Variants in LSAMP observed in about 807,000 individuals in gnomAD.
The protein encoded by LSAMP is limbic system-associated membrane protein.
Under a neutral mutation model 38.6 loss-of-function variants are expected in LSAMP, and 7 were observed. That is an observed-to-expected ratio of 0.18 (90% confidence interval 0.10 to 0.34). The LOEUF (loss-of-function observed/expected upper bound fraction) is 0.34. Among genes scored for constraint, LSAMP ranks in the 10% least tolerant of loss-of-function variants. The pLI, the probability that LSAMP is intolerant of heterozygous loss-of-function variation, is 1.00. For missense variants in LSAMP, 313 were observed against 420.0 expected (o/e 0.75, Z 2.23); for synonymous variants, 154 against 166.8 (o/e 0.92, Z 0.59).
chr3:115,909,589 T>C (rs1282703964), intron 3 of LSAMP, among the ~76,000 whole-genome samples: 1 of 152,240 alleles, frequency 6.6e-6, no homozygotes, highest in Non-Finnish European at 1.5e-5. Flanking sequence ...GTTTAATCTG[T>C]GGGTTTCTAT....
chr3:115,848,232 T>C (rs1935223411), intron 4 of LSAMP, among the ~76,000 whole-genome samples: 1 of 152,170 alleles, frequency 6.6e-6, no homozygotes, highest in Non-Finnish European at 1.5e-5. Context: ...GAGATCAGCC[T>C]GGTCAACACA....
At chr3:116,334,435 C>T (rs2047893203) in intron 1 of LSAMP, among the ~76,000 whole-genome samples, 1 of 151,898 alleles carries the variant, frequency 6.6e-6, no homozygotes, top group Non-Finnish European at 1.5e-5. Flanking sequence ...AAAAACATTG[C>T]AAGGAAATGA....
At chr3:116,014,176 A>G (rs1940411856) in intron 3 of LSAMP, among the ~76,000 whole-genome samples, 1 of 152,178 alleles carries the variant, frequency 6.6e-6, no homozygotes, top group Admixed American at 6.5e-5. Flanking sequence ...ATGGGGTTAT[A>G]TCTGGATAAG....
At chr3:115,837,036 T>A (rs1280217186) in intron 6 of LSAMP, among the ~76,000 whole-genome samples, 1 of 152,112 alleles carries the variant, frequency 6.6e-6, no homozygotes, top group Non-Finnish European at 1.5e-5. Flanking sequence ...TCAGCCACTG[T>A]GCTTGGCCTA....
At chr3:116,054,459 A>T (rs908678019) in intron 2 of LSAMP, among the ~76,000 whole-genome samples, 3 of 152,158 alleles carry the variant, frequency 2.0e-5, no homozygotes, top group African/African-American at 7.2e-5. Flanking sequence ...CAGAGAATAA[A>T]GCAGGGGTGA....
chr3:116,131,195 A>T (rs573670184), intron 1 of LSAMP, among the ~76,000 whole-genome samples: 1 of 151,716 alleles, frequency 6.6e-6, no homozygotes, highest in Non-Finnish European at 1.5e-5. Flanking sequence ...GTTTCACTGT[A>T]TTAGCCAGGA....
intron 1 of LSAMP, among the ~76,000 whole-genome samples, chr3:116,096,615 A>G (rs1189978513): frequency 6.6e-6 from 1 of 152,242 alleles, no homozygotes; most frequent in African/African-American, 2.4e-5. Context: ...CATAGGCAGC[A>G]TAGGACTTAA....
At chr3:115,937,711 T>TC (rs1247798751) in intron 3 of LSAMP, among the ~76,000 whole-genome samples, 6 of 152,166 alleles carry the variant, frequency 3.9e-5, no homozygotes, top group Non-Finnish European at 8.8e-5. Context: ...GTTCATCTCT[T>TC]TACACATGCT....
intron 3 of LSAMP, among the ~76,000 whole-genome samples, chr3:115,960,952 C>G (rs192349598): frequency 6.6e-6 from 1 of 152,178 alleles, no homozygotes; most frequent in African/African-American, 2.4e-5. Context: ...GGTGTGCCTG[C>G]GCCTGCAGTA....
At chr3:116,128,961 G>T (rs964905542) in intron 1 of LSAMP, among the ~76,000 whole-genome samples, 2 of 151,966 alleles carry the variant, frequency 1.3e-5, no homozygotes, top group Non-Finnish European at 2.9e-5. Flanking sequence ...TCCCTGAAAG[G>T]TTTTATTTTC....
At chr3:116,281,556 A>G (rs1017345244) in intron 1 of LSAMP, among the ~76,000 whole-genome samples, 9 of 152,230 alleles carry the variant, frequency 5.9e-5, no homozygotes, top group African/African-American at 1.9e-4. Context: ...ACACCACCTT[A>G]CAGAACTTAG....
At chr3:116,300,126 A>G (rs2047386944) in intron 1 of LSAMP, among the ~76,000 whole-genome samples, 1 of 152,152 alleles carries the variant, frequency 6.6e-6, no homozygotes, top group Admixed American at 6.5e-5. Context: ...GGCTCAGTAA[A>G]CATTACTGAG....
intron 1 of LSAMP, among the ~76,000 whole-genome samples, chr3:116,370,354 A>G (rs2048413936): frequency 6.6e-6 from 1 of 152,196 alleles, no homozygotes; most frequent in Non-Finnish European, 1.5e-5. Flanking sequence ...AGAAGGAAGC[A>G]CCAGAAATCT....
intron 1 of LSAMP, among the ~76,000 whole-genome samples, chr3:116,170,332 AG>A (rs1710165645): frequency 3.9e-5 from 6 of 152,188 alleles, no homozygotes. Context: ...TAGTGGCATA[AG>A]ATAGCAGAAT....
chr3:116,315,670 G>A (rs1247150743), intron 1 of LSAMP, among the ~76,000 whole-genome samples: 3 of 152,094 alleles, frequency 2.0e-5, no homozygotes, highest in Admixed American at 6.6e-5. Context: ...TATGTTTTAA[G>A]GACTGTTCTA....
At chr3:115,937,762 C>T (rs947189901) in intron 3 of LSAMP, among the ~76,000 whole-genome samples, 8 of 149,882 alleles carry the variant, frequency 5.3e-5, no homozygotes, top group East Asian at 4.0e-4. Flanking sequence ...AAGGGAAGCC[C>T]GCAGCATGCT....
Position 116,366,035 on chromosome 3 carries a change from A to AAAAAAAAAAG in LSAMP, c.155+78841_155+78842insCTTTTTTTTT, listed in dbSNP as rs1273569949. Reference sequence around the variant, plus strand: ...TAATAAAAAAAAAAAAAAAAAAAAAAAAAAGAACTTCTGCACAGCAAAAGA... The same window carrying AAAAAAAAAAG: ...TAATAAAAAAAAAAAAAAAAAAAAAAAAAAAAAAAGAAAAGAACTTCTGCACAGCAAAAGA... On this transcript the variant is annotated intron_variant, in intron 1 of 6. Transcript: ENST00000490035. Among the ~76,000 whole-genome samples, 33 of 144,720 alleles carry AAAAAAAAAAG rather than the reference A, an allele frequency of 2.3e-4. 1 individual carries two copies. The highest frequency in any genetic ancestry group is 4.0e-4 in the Non-Finnish European group (26 of 65,656). 94.9% of individuals were successfully genotyped at this position (144,720 alleles called of 152,430 possible).
At chr3:116,031,028 G>GA (rs1229379494) in intron 2 of LSAMP, among the ~76,000 whole-genome samples, 1 of 151,860 alleles carries the variant, frequency 6.6e-6, no homozygotes, top group East Asian at 1.9e-4. Context: ...TTTTTGAATT[G>GA]AAAAAATTGA....
chr3:116,104,166 T>C (rs1398919513), intron 1 of LSAMP, among the ~76,000 whole-genome samples: 1 of 152,234 alleles, frequency 6.6e-6, no homozygotes, highest in Admixed American at 6.5e-5. Flanking sequence ...AGTCTCATAA[T>C]TTCAAAACCT....
Sources: gnomAD v4.1 joint callset for allele counts (sites outside exome capture counted in the v4.1 genomes callset) on GRCh38, gnomAD v4.1.1 for gene constraint, MANE v1.5 for transcripts, NCBI Gene and HGNC (gene_info 2026-07-23, HGNC 2026-07-21) for gene names.